PLA2R1: variants seen among roughly 807,000 people sequenced by gnomAD.
PLA2R1 encodes phospholipase A2 receptor 1.
PLA2R1 carries 158 observed loss-of-function variants against 195.9 expected under a neutral mutation model. That is an observed-to-expected ratio of 0.81 (90% CI 0.71 to 0.92). The LOEUF (loss-of-function observed/expected upper bound fraction) is 0.92, where lower values mean the gene tolerates loss of function less well. PLA2R1 is among the 40% of genes least tolerant of loss of function. PLA2R1 has a pLI of 0.00. For missense variants in PLA2R1, 1,626 were observed against 1,764.6 expected (o/e 0.92, Z 1.41); for synonymous variants, 586 against 598.2 (o/e 0.98, Z 0.30).
chr2:159,991,618 C>A, intron 11 of PLA2R1, among the ~76,000 whole-genome samples: 1 of 119,486 alleles, frequency 8.4e-6, no homozygotes, highest in African/African-American at 3.2e-5. Context: ...CCCCCCTCCC[C>A]CCACCCCACA....
chr2:160,018,633 A>AAAAC (rs59379239), intron 8 of PLA2R1, among the ~76,000 whole-genome samples: 8,598 of 150,592 alleles, frequency 0.057, 388 homozygotes, highest in African/African-American at 0.12. Flanking sequence ...CTCTGTCTCA[A>AAAAC]AAACAAACAA....
intron 11 of PLA2R1, among the ~76,000 whole-genome samples, chr2:159,991,005 C>T (rs1219751108): frequency 3.2e-4 from 49 of 152,338 alleles, no homozygotes; most frequent in Non-Finnish European, 4.4e-5. Context: ...GGCTTAGTAA[C>T]TTGCCAAAGG....
At position 159,969,322 on chromosome 2, in the gene PLA2R1, C is replaced by G. The variant is rs1688990867; in HGVS notation, c.2698G>C (p.Asp900His). Residue 900 changes from aspartate to histidine, a missense_variant, in exon 19 of 30, where the codon GAC becomes CAC. Coordinates refer to ENST00000283243, the MANE Select transcript of PLA2R1 (RefSeq NM_007366.5). ...DGTPVIYQNWDTGRERTVNNQ... is the reference protein window; with the variant it reads ...DGTPVIYQNWHTGRERTVNNQ... Reference sequence around the variant, plus strand: ...TTCACAGTTCTTTCTCTTCCTGTGTCCCAGTTCTGGTATATCACTGGTGTT... The same window carrying G: ...TTCACAGTTCTTTCTCTTCCTGTGTGCCAGTTCTGGTATATCACTGGTGTT... 3 of 1,608,264 alleles carry G rather than the reference C, an allele frequency of 1.9e-6. No individual in the cohort carries two copies. Among genetic ancestry groups the G allele is most frequent in the Non-Finnish European group, 2.6e-6 (3 of 1,174,904 alleles).
chr2:159,946,210 T>C, intron 27 of PLA2R1: 2 of 924,144 alleles, frequency 2.2e-6, no homozygotes, highest in Non-Finnish European at 1.3e-6. Context: ...TTCTAAACAA[T>C]GTTGGTGATT....
At chr2:159,969,454 T>A (rs1236329346) in intron 18 of PLA2R1, 95 bp from the exon 19 acceptor site, 1 of 642,778 alleles carries the variant, frequency 1.6e-6, no homozygotes, top group African/African-American at 1.9e-5. Context: ...ATTGAAGATA[T>A]AATATTCTAT....
At position 159,943,720 on chromosome 2, in the gene PLA2R1, A is replaced by C. The variant is rs529495398; in HGVS notation, c.4144+1186T>G. ...AGGAAACTTTAAAGTCCTGTAAGAC[A>C]TGAGGTGTTTCTGATTTGTTCTTGA... On this transcript the variant is annotated intron_variant, in intron 28 of 29. Transcript: ENST00000283243. 5.3e-5 allele frequency among the ~76,000 whole-genome samples: 8 copies of C among 152,330 alleles called. No homozygotes were observed. The South Asian group carries it at 1.5e-3, about 28-fold the overall frequency.
intron 17 of PLA2R1, among the ~76,000 whole-genome samples, chr2:159,972,322 T>C (rs774428178): frequency 5.3e-5 from 8 of 152,120 alleles, no homozygotes; most frequent in Admixed American, 5.2e-4. Flanking sequence ...GCCACAACAA[T>C]AGAAGACTTA....
downstream of PLA2R1, among the ~76,000 whole-genome samples, chr2:159,927,608 T>A (rs1425639929): frequency 6.6e-6 from 1 of 152,196 alleles, no homozygotes; most frequent in Non-Finnish European, 1.5e-5. Context: ...CTCCTTGGGG[T>A]TTCTTTCCTA....
chr2:159,941,697 C>T lies in PLA2R1; in HGVS notation c.*81G>A. 1.4e-6 allele frequency: 1 copy of T among 711,464 alleles called. No homozygotes were observed. Among genetic ancestry groups the T allele is most frequent in the Non-Finnish European group, 2.5e-6 (1 of 403,968 alleles). The allele number at this position is 711,464 out of a possible 1,614,324, so 44.1% of individuals were successfully genotyped here. Reference sequence around the variant, plus strand: ...AATTCACATTCTAATGGCATCTGTGCTGTAAAGGGAAAGACAGATGAGACT... The same window carrying T: ...AATTCACATTCTAATGGCATCTGTGTTGTAAAGGGAAAGACAGATGAGACT... On this transcript the variant is annotated 3_prime_UTR_variant, in exon 30 of 30. Coordinates refer to ENST00000283243, the MANE Select transcript of PLA2R1 (RefSeq NM_007366.5).
intron 12 of PLA2R1, among the ~76,000 whole-genome samples, chr2:159,985,374 A>G (rs1283665852): frequency 6.6e-6 from 1 of 152,244 alleles, no homozygotes; most frequent in Non-Finnish European, 1.5e-5. Flanking sequence ...CTGTGCAGAG[A>G]TGCTGGGGAA....
chr2:160,026,547 G>A (rs879390214), intron 6 of PLA2R1, among the ~76,000 whole-genome samples: 10 of 152,124 alleles, frequency 6.6e-5, no homozygotes, highest in Non-Finnish European at 1.2e-4. Context: ...GACATTGGAG[G>A]GCAGTGGTGA....
chr2:159,977,459 C>G (rs761565532), intron 14 of PLA2R1, 43 bp from the exon 15 acceptor site: 1 of 1,596,394 alleles, frequency 6.3e-7, no homozygotes, highest in South Asian at 1.1e-5. Flanking sequence ...ATGATCCCCC[C>G]ACAAAGTTTC....
intron 4 of PLA2R1, 55 bp downstream of exon 4, chr2:160,032,904 G>A (rs1693945491): frequency 8.1e-7 from 1 of 1,233,506 alleles, no homozygotes; most frequent in South Asian, 1.3e-5. Context: ...TGTGAAAACA[G>A]TTAACAACCA....
At position 159,935,902 on chromosome 2, in the gene PLA2R1, A is replaced by G. The variant is rs1353715394; in HGVS notation, c.*5876T>C. The G allele has an allele frequency of 6.7e-6, 1 of 149,126 alleles. No homozygotes were observed. The highest frequency in any genetic ancestry group is 1.5e-5 in the Non-Finnish European group (1 of 67,618). The allele number at this position is 149,126 out of a possible 1,614,324, so 9.2% of individuals were successfully genotyped here. The stretch of plus-strand genomic sequence containing the variant: ...TAATTTGTGAAATATTTTATTCATT[A>G]CCTTGTCATATTTTCCTGCAGTAAA... On this transcript the variant is annotated 3_prime_UTR_variant, in exon 30 of 30. Coordinates refer to ENST00000283243, the MANE Select transcript of PLA2R1 (RefSeq NM_007366.5).
intron 9 of PLA2R1, 142 bp downstream of exon 9, chr2:160,016,471 AG>A (rs34121457): frequency 1.4e-4 from 76 of 559,290 alleles, no homozygotes; most frequent in Middle Eastern, 8.2e-4. Flanking sequence ...AAAGGAAAGA[AG>A]GGGGGGGTGC....
intron 4 of PLA2R1, among the ~76,000 whole-genome samples, chr2:160,032,243 C>T (rs1038048336): frequency 1.3e-5 from 2 of 152,114 alleles, no homozygotes; most frequent in Non-Finnish European, 2.9e-5. Flanking sequence ...TAAACATGGA[C>T]TACATATGCA....
At chr2:159,957,305 T>C (rs1302113608) in intron 20 of PLA2R1, among the ~76,000 whole-genome samples, 1 of 152,170 alleles carries the variant, frequency 6.6e-6, no homozygotes, top group Non-Finnish European at 1.5e-5. Flanking sequence ...AAGTTGAGTG[T>C]TATGCAAGAG....
chr2:159,993,851 G>T (rs1425898955), intron 11 of PLA2R1, among the ~76,000 whole-genome samples: 1 of 152,062 alleles, frequency 6.6e-6, no homozygotes, highest in Non-Finnish European at 1.5e-5. Flanking sequence ...CCACTAATGG[G>T]TCACAGATGA....
intron 7 of PLA2R1, among the ~76,000 whole-genome samples, chr2:160,021,308 A>G (rs754154454): frequency 1.7e-4 from 26 of 152,324 alleles, no homozygotes; most frequent in Non-Finnish European, 3.4e-4. Flanking sequence ...TCATTATATC[A>G]AAAAGACACC....
Sources: gnomAD v4.1 joint callset for allele counts (sites outside exome capture counted in the v4.1 genomes callset) on GRCh38, gnomAD v4.1.1 for gene constraint, MANE v1.5 for transcripts, NCBI Gene and HGNC (gene_info 2026-07-23, HGNC 2026-07-21) for gene names.